The following HERC2 variants were observed in gnomAD, a reference collection of about 807,000 sequenced individuals.
HERC2 encodes the protein HECT and RLD domain containing E3 ubiquitin protein ligase 2, also known as E3 ubiquitin-protein ligase HERC2.
A neutral mutation model predicts 537.7 loss-of-function variants in HERC2; 102 were observed. The observed-to-expected ratio is 0.19, with a 90% confidence interval of 0.16 to 0.22. HERC2 has a LOEUF of 0.22. HERC2 is among the 10% of genes least tolerant of loss of function. The probability of loss-of-function intolerance (pLI) is 1.00; values close to 1 mark genes in which losing one functional copy is unlikely to be tolerated. For missense variants in HERC2, 4,236 were observed against 6,198.2 expected, an observed-to-expected ratio of 0.68 and a Z score of 10.63; for synonymous variants, 2,224 against 2,466.2, an observed-to-expected ratio of 0.90 and a Z score of 2.91.
At chr15:28,280,741 C>G (rs966757054) in intron 4 of HERC2, among the ~76,000 whole-genome samples, 1 of 151,764 alleles carries the variant, frequency 6.6e-6, no homozygotes, top group African/African-American at 2.4e-5. Flanking sequence ...CCCTTCTCTA[C>G]TAAAAAAAAA....
Position 28,132,215 on chromosome 15 carries a change from C to T in HERC2, c.12455G>A (p.Ser4152Asn). 4 of 1,613,832 alleles carry T rather than the reference C, an allele frequency of 2.5e-6. No individual in the cohort carries two copies. Among genetic ancestry groups the T allele is most frequent in the Admixed American group, 1.7e-5 (1 of 60,014 alleles). ...GAGGCAGAGGGTCTGGGCATCTCCA[C>T]TGCCACAGGCGATGTCAACCACACG... ...GHRVVDIACG[S>N]GDAQTLCLTD... is the part of the protein sequence containing the mutation. Residue 4152 changes from serine to asparagine, a missense_variant, in exon 81 of 93, where the codon AGT becomes AAT. Around this residue, in one of 27 missense-constraint regions of HERC2, gnomAD observed 94 missense variants for 137.4 expected, o/e 0.68. Coordinates refer to ENST00000261609, the MANE Select transcript of HERC2 (RefSeq NM_004667.6).
chr15:28,181,293 G>A (rs1328758642), intron 57 of HERC2, among the ~76,000 whole-genome samples: 1 of 152,200 alleles, frequency 6.6e-6, no homozygotes, highest in African/African-American at 2.4e-5. Context: ...CAAGGTCATA[G>A]GCTCCCACCA....
intron 35 of HERC2, among the ~76,000 whole-genome samples, chr15:28,225,696 CAAAA>C (rs35629645): frequency 1.5e-3 from 88 of 58,826 alleles, no homozygotes; most frequent in Non-Finnish European, 2.7e-4. Context: ...GACTCCGTCT[CAAAA>C]AAAAAAAAAA....
chr15:28,134,319 C>G (rs1421986415), intron 79 of HERC2, among the ~76,000 whole-genome samples: 1 of 152,214 alleles, frequency 6.6e-6, no homozygotes, highest in Non-Finnish European at 1.5e-5. Flanking sequence ...TATTGATCTT[C>G]TATCCCGCAA....
chr15:28,218,957 C>A (rs113893512), intron 37 of HERC2, among the ~76,000 whole-genome samples: 33 of 152,256 alleles, frequency 2.2e-4, no homozygotes, highest in African/African-American at 7.7e-4. Context: ...ACCTCCCAAA[C>A]TGTCATCTTT....
chr15:28,249,919 T>A, intron 20 of HERC2, among the ~76,000 whole-genome samples: 1 of 151,114 alleles, frequency 6.6e-6, no homozygotes, highest in East Asian at 1.9e-4. Flanking sequence ...CCTCCCAAAG[T>A]GCTGGGATTA....
chr15:28,249,804 C>A (rs7180381), intron 20 of HERC2, among the ~76,000 whole-genome samples: 1 of 151,044 alleles, frequency 6.6e-6, no homozygotes. Context: ...CACGCCACCA[C>A]GCCAAGCTAA....
chr15:28,163,384 A>G, intron 68 of HERC2, 99 bp from the exon 69 acceptor site: 1 of 1,049,612 alleles, frequency 9.5e-7, no homozygotes, highest in East Asian at 2.4e-5. Context: ...CATGAATACC[A>G]ACGAGTAAGA....
At position 28,212,285 on chromosome 15, in the gene HERC2, C is replaced by T. The variant is rs552386257; in HGVS notation, c.6925+160G>A. On this transcript the variant is annotated intron_variant, in intron 43 of 92. Coordinates refer to ENST00000261609, the MANE Select transcript of HERC2 (RefSeq NM_004667.6). The stretch of plus-strand genomic sequence containing the variant: ...GCTGACTCGAAAATACTCATTACCA[C>T]GAACACAGGGTTACATTCCCAACCG... Among the ~76,000 whole-genome samples the T allele has an allele frequency of 6.6e-4, 100 of 152,280 alleles. 1 individual carries two copies. The highest frequency in any genetic ancestry group is 2.3e-3 in the African/African-American group (97 of 41,568).
chr15:28,178,420 TA>T (rs1895502931), intron 59 of HERC2, among the ~76,000 whole-genome samples: 1 of 152,194 alleles, frequency 6.6e-6, no homozygotes, highest in East Asian at 1.9e-4. Context: ...AGGAGAAAAG[TA>T]AAACTCTATA....
At chr15:28,286,250 AAGAAGCTAATATT>A (rs948878817) in intron 4 of HERC2, among the ~76,000 whole-genome samples, 10 of 152,194 alleles carry the variant, frequency 6.6e-5, no homozygotes, top group African/African-American at 1.7e-4. Context: ...AGCTAATATT[AAGAAGCTAATATT>A]AGAAGCTAAT....
At position 28,229,195 on chromosome 15, in the gene HERC2, C is replaced by T; in HGVS notation, c.5272G>A (p.Gly1758Ser). Residue 1758 changes from glycine (G) to serine (S), a missense_variant and splice_region_variant, in exon 34 of 93, where the codon GGT becomes AGT. Around this residue, in one of 27 missense-constraint regions of HERC2, gnomAD observed 343 missense variants for 417.2 expected, o/e 0.82. Coordinates refer to ENST00000261609, the MANE Select transcript of HERC2 (RefSeq NM_004667.6). ...AACATTGATACAATTATTGACTCAC[C>T]AAGCTCTTTAAATTTGGCACTGGCA... ...MDASAKFKEL[G>S]IQPVPLQTIT... is the part of the protein sequence containing the mutation. 1.9e-6 allele frequency: 3 copies of T among 1,611,180 alleles called. No homozygotes were observed. The highest frequency in any genetic ancestry group is 2.1e-4 in the Middle Eastern group (1 of 4,816).
rs763338420 is a variant in HERC2 at position 28,111,831 on chromosome 15, C to T, written c.14437G>A (p.Asp4813Asn). 16 of 1,614,106 alleles carry T rather than the reference C, an allele frequency of 9.9e-6. No individual in the cohort carries two copies. Among genetic ancestry groups the T allele is most frequent in the East Asian group, 4.5e-5 (2 of 44,886 alleles). ...GEPAADDSSD[D>N]SDNEDVDSFA... ...GAGTCGACATCCTCGTTATCTGAATCGTCGCTGCTGTCGTCGGCGGCTGGC... is the reference window on the plus strand; with the variant it reads ...GAGTCGACATCCTCGTTATCTGAATTGTCGCTGCTGTCGTCGGCGGCTGGC... The change falls in exon 93 of 93, where the codon GAT (aspartate) becomes AAT (asparagine). Residue 4813 changes from aspartate to asparagine, a missense_variant. This residue lies in a region of HERC2 where 313 missense variants were observed against 462.6 expected (regional missense o/e 0.68). Transcript: ENST00000261609.
chr15:28,233,224 T>C lies in HERC2; in HGVS notation c.4597A>G (p.Lys1533Glu), dbSNP rs1249268473. The change falls in exon 30 of 93, where the codon AAG (lysine) becomes GAG (glutamate). Residue 1533 changes from lysine (K) to glutamate (E), a missense_variant. This residue lies in a region of HERC2 where 343 missense variants were observed against 417.2 expected (regional missense o/e 0.82). Coordinates refer to ENST00000261609, the MANE Select transcript of HERC2 (RefSeq NM_004667.6). ...AVCNDLSIMS[K>E]FKLLSSLPRW... ...GGCAAAGAACTTAACAATTTAAACT[T>C]AGACATTATAGAGAGGTCATTACAA... is the stretch of plus-strand genomic sequence containing the variant. The C allele has an allele frequency of 1.9e-6, 3 of 1,608,134 alleles. No individual in the cohort carries two copies. Among genetic ancestry groups the C allele is most frequent in the African/African-American group, 1.3e-5 (1 of 74,486 alleles).
chr15:28,177,234 G>A lies in HERC2; in HGVS notation c.9255-107C>T. The A allele has an allele frequency of 2.3e-6, 3 of 1,280,812 alleles. No individual in the cohort carries two copies. Among genetic ancestry groups the A allele is most frequent in the Non-Finnish European group, 3.3e-6 (3 of 919,008 alleles). 79.3% of individuals were successfully genotyped at this position (1,280,812 alleles called of 1,614,324 possible). Reference sequence around the variant, plus strand: ...ACATGTAGTCAACACAGGATCCACAGATCAACTATCAAAACTTAAAGCAGA... The same window carrying A: ...ACATGTAGTCAACACAGGATCCACAAATCAACTATCAAAACTTAAAGCAGA... On this transcript the variant is annotated intron_variant, in intron 60 of 92. Coordinates refer to ENST00000261609, the MANE Select transcript of HERC2 (RefSeq NM_004667.6). This position sits in a 1 kb window ranked among gnomAD's most constrained non-coding sequence, Gnocchi z 5.0.
intron 68 of HERC2, among the ~76,000 whole-genome samples, chr15:28,164,289 T>TC (rs1308662878): frequency 2.0e-5 from 3 of 152,016 alleles, no homozygotes; most frequent in African/African-American, 7.3e-5. Context: ...CCCCACATGT[T>TC]CCCCTTAAGG....
intron 55 of HERC2, chr15:28,190,713 G>A: frequency 1.9e-6 from 1 of 527,702 alleles, no homozygotes; most frequent in Non-Finnish European, 3.3e-6. Context: ...TTTGCTAGGA[G>A]CAGTTACCAA....
intron 69 of HERC2, 22 bp downstream of exon 69, chr15:28,163,071 GC>G: frequency 6.3e-7 from 1 of 1,590,384 alleles, no homozygotes; most frequent in African/African-American, 1.3e-5. Context: ...GAATCAGACG[GC>G]CCCGCCCTCC....
chr15:28,133,235 A>C (rs1048880403), intron 79 of HERC2, among the ~76,000 whole-genome samples: 5 of 152,192 alleles, frequency 3.3e-5, no homozygotes, highest in Non-Finnish European at 5.9e-5. Flanking sequence ...TGAATTAACA[A>C]TTCATTTAAG....
Sources: gnomAD v4.1 joint callset for allele counts (sites outside exome capture counted in the v4.1 genomes callset) on GRCh38, gnomAD v4.1.1 for gene constraint, gnomAD v4.1.1 regional missense constraint, Gnocchi (gnomAD v3.1) non-coding constraint, MANE v1.5 for transcripts, NCBI Gene and HGNC (gene_info 2026-07-23, HGNC 2026-07-21) for gene names.